The following CACHD1 variants were observed in gnomAD, a reference collection of about 807,000 sequenced individuals.
The protein encoded by CACHD1 is VWFA and cache domain-containing protein 1.
A neutral mutation model predicts 138.7 loss-of-function variants in CACHD1; 71 were observed. That is an observed-to-expected ratio of 0.51 (90% CI 0.42 to 0.62). The LOEUF is 0.62. CACHD1 is among the 20% of genes least tolerant of loss of function. The pLI, the probability that CACHD1 is intolerant of heterozygous loss-of-function variation, is 0.00. For synonymous variants in CACHD1, 578 were observed against 591.5 expected (o/e 0.98, Z 0.33); for missense variants, 1,389 against 1,625.3 (o/e 0.85, Z 2.50).
intron 2 of CACHD1, among the ~76,000 whole-genome samples, chr1:64,567,366 C>T (rs1359571663): frequency 6.6e-6 from 1 of 151,802 alleles, no homozygotes; most frequent in Non-Finnish European, 1.5e-5. Context: ...ATGTATGTGT[C>T]CCTAGAATCC....
intron 26 of CACHD1, among the ~76,000 whole-genome samples, chr1:64,687,881 T>C (rs921422071): frequency 1.3e-5 from 2 of 152,108 alleles, no homozygotes; most frequent in Non-Finnish European, 2.9e-5. Context: ...GAACTTACAA[T>C]TTAAGAAAGA....
At chr1:64,517,269 C>G (rs1044400469) in intron 1 of CACHD1, among the ~76,000 whole-genome samples, 2 of 152,070 alleles carry the variant, frequency 1.3e-5, no homozygotes, top group African/African-American at 4.8e-5. Context: ...CATCAGTGAT[C>G]AAAACAGACA....
intron 1 of CACHD1, among the ~76,000 whole-genome samples, chr1:64,518,579 A>G (rs1385072745): frequency 6.6e-6 from 1 of 152,198 alleles, no homozygotes; most frequent in Non-Finnish European, 1.5e-5. Flanking sequence ...TTAACACAGA[A>G]TCACATGGAT....
At chr1:64,596,404 C>T (rs1570401632) in intron 3 of CACHD1, among the ~76,000 whole-genome samples, 1 of 152,166 alleles carries the variant, frequency 6.6e-6, no homozygotes, top group Non-Finnish European at 1.5e-5. Context: ...AGAGATATGT[C>T]TCCGTGTCAT....
chr1:64,534,131 C>T (rs556648839), intron 1 of CACHD1, among the ~76,000 whole-genome samples: 80 of 151,392 alleles, frequency 5.3e-4, no homozygotes, highest in Middle Eastern at 3.4e-3. Context: ...GCAACCCCTG[C>T]CTCCTGGGTT....
At chr1:64,585,792 A>T (rs1026452726) in intron 3 of CACHD1, among the ~76,000 whole-genome samples, 1 of 152,210 alleles carries the variant, frequency 6.6e-6, no homozygotes. Context: ...AATGGAGCCC[A>T]CTTTCCAGTG....
At chr1:64,652,365 A>G (rs1306525527) in intron 10 of CACHD1, 55 bp downstream of exon 10, 2 of 1,472,592 alleles carry the variant, frequency 1.4e-6, no homozygotes, top group African/African-American at 1.4e-5. Flanking sequence ...TAAAGAAAAT[A>G]AGGTATAGAT....
At chr1:64,496,719 C>A (rs1646308064) in intron 1 of CACHD1, among the ~76,000 whole-genome samples, 1 of 151,996 alleles carries the variant, frequency 6.6e-6, no homozygotes, top group South Asian at 2.1e-4. Flanking sequence ...AAAGTCTCTT[C>A]CAGCTGAGCC....
At chr1:64,481,718 T>C (rs1024043092) in intron 1 of CACHD1, among the ~76,000 whole-genome samples, 2 of 152,358 alleles carry the variant, frequency 1.3e-5, no homozygotes, top group Middle Eastern at 3.4e-3. Context: ...ATAAGGCTTA[T>C]GTTAAGGAAA....
At chr1:64,614,643 G>A (rs545007604) in intron 4 of CACHD1, among the ~76,000 whole-genome samples, 66 of 151,866 alleles carry the variant, frequency 4.3e-4, no homozygotes, top group African/African-American at 1.5e-3. Flanking sequence ...CTCTTGTTTG[G>A]TCTAGATACC....
chr1:64,587,330 T>C (rs57314244), intron 3 of CACHD1, among the ~76,000 whole-genome samples: 1,941 of 152,360 alleles, frequency 0.013, 38 homozygotes, highest in African/African-American at 0.045. Flanking sequence ...CCAGTAGTGC[T>C]TAATAGTACA....
chr1:64,542,561 C>T (rs1646685184), intron 1 of CACHD1, among the ~76,000 whole-genome samples: 1 of 151,954 alleles, frequency 6.6e-6, no homozygotes, highest in Non-Finnish European at 1.5e-5. Flanking sequence ...TTTGACAACT[C>T]TGAAAAATGT....
intron 3 of CACHD1, among the ~76,000 whole-genome samples, chr1:64,589,509 C>A (rs953088771): frequency 1.3e-5 from 2 of 151,756 alleles, no homozygotes; most frequent in Non-Finnish European, 2.9e-5. Context: ...TGTGTACATA[C>A]AGAGAGATGG....
intron 1 of CACHD1, among the ~76,000 whole-genome samples, chr1:64,536,373 C>G (rs1276924142): frequency 1.3e-5 from 2 of 152,186 alleles, no homozygotes; most frequent in African/African-American, 4.8e-5. Flanking sequence ...TCCAGGAACT[C>G]AAGCCAAATT....
intron 7 of CACHD1, among the ~76,000 whole-genome samples, chr1:64,638,532 C>G (rs143698726): frequency 1.6e-4 from 25 of 152,208 alleles, no homozygotes; most frequent in African/African-American, 5.1e-4. Flanking sequence ...GCATTAACAT[C>G]CTGGAGTTGT....
chr1:64,490,562 G>A (rs2100296127), intron 1 of CACHD1, among the ~76,000 whole-genome samples: 1 of 152,302 alleles, frequency 6.6e-6, no homozygotes, highest in Non-Finnish European at 1.5e-5. Context: ...CTCAGAAGAT[G>A]TGTGTACCCT....
intron 1 of CACHD1, among the ~76,000 whole-genome samples, chr1:64,484,220 G>A (rs1646228193): frequency 6.6e-6 from 1 of 152,014 alleles, no homozygotes; most frequent in South Asian, 2.1e-4. Flanking sequence ...GAGCCAATCA[G>A]GGGAGGGGCT....
chr1:64,647,918 T>C lies in CACHD1; in HGVS notation c.1274T>C (p.Val425Ala), dbSNP rs564006239. ...ALPVIKGSMM[V>A]LNQLSNLETT... Reference sequence around the variant, plus strand: ...CCTGTGATTAAGGGCAGCATGATGGTGCTGAATCAGTTGAGCAACCTGGAG... The same window carrying C: ...CCTGTGATTAAGGGCAGCATGATGGCGCTGAATCAGTTGAGCAACCTGGAG... The change falls in exon 9 of 27, where the codon GTG (valine) becomes GCG (alanine). Residue 425 changes from valine (V) to alanine (A), a missense_variant. This residue lies in a region of CACHD1 where 1,000 missense variants were observed against 1,114.7 expected (regional missense o/e 0.90). Coordinates refer to ENST00000651257, the MANE Select transcript of CACHD1 (RefSeq NM_020925.4). 6.2e-7 allele frequency: 1 copy of C among 1,614,156 alleles called. No homozygotes were observed. The highest frequency in any genetic ancestry group is 1.3e-5 in the African/African-American group (1 of 75,060).
intron 10 of CACHD1, among the ~76,000 whole-genome samples, 159 bp from the exon 11 acceptor site, chr1:64,653,599 A>C (rs565557367): frequency 6.6e-6 from 1 of 152,322 alleles, no homozygotes; most frequent in Non-Finnish European, 1.5e-5. Flanking sequence ...TTATGTAAGC[A>C]CATATAAAAC....
Sources: allele counts gnomAD v4.1 joint callset (sites outside exome capture counted in the v4.1 genomes callset), GRCh38; gene constraint gnomAD v4.1.1; regional missense constraint gnomAD v4.1.1; transcripts MANE v1.5; gene names NCBI Gene and HGNC (gene_info 2026-07-23, HGNC 2026-07-21).